Variants in GPR89B observed in about 807,000 individuals in gnomAD.
GPR89B encodes the protein G protein-coupled receptor 89B.
A neutral mutation model predicts 52.4 loss-of-function variants in GPR89B; 25 were observed. The observed-to-expected ratio is 0.48, with a 90% CI of 0.35 to 0.67. GPR89B has a LOEUF of 0.67. Among genes scored for constraint, GPR89B ranks in the 30% least tolerant of loss-of-function variants. The pLI is 0.01. For synonymous variants in GPR89B, 52 were observed against 151.2 expected (o/e 0.34, Z 4.81); for missense variants, 146 against 450.2 (o/e 0.32, Z 6.11).
the GPR89B span, among the ~76,000 whole-genome samples, chr1:148,015,119 A>G: frequency 6.6e-6 from 1 of 151,260 alleles, no homozygotes; most frequent in African/African-American, 2.4e-5. Context: ...GGCTGGTTCA[A>G]GCTCGTTCTA....
intron 2 of GPR89B, among the ~76,000 whole-genome samples, chr1:147,937,689 T>C (rs6683939): frequency 0.045 from 6,786 of 152,190 alleles, 216 homozygotes; most frequent in African/African-American, 0.075. Flanking sequence ...TGCCCAACCC[T>C]GCAAGCAGTC....
chr1:147,987,456 G>GT (rs1352936533), intron 11 of GPR89B, among the ~76,000 whole-genome samples: 1 of 148,794 alleles, frequency 6.7e-6, no homozygotes, highest in Non-Finnish European at 1.5e-5. Flanking sequence ...GGAGAAAGAA[G>GT]TTGCAGTGAG....
At chr1:147,952,723 ACTG>A (rs1553251259) in intron 5 of GPR89B, among the ~76,000 whole-genome samples, 1 of 151,886 alleles carries the variant, frequency 6.6e-6, no homozygotes, top group African/African-American at 2.4e-5. Context: ...ATTTATTTTA[ACTG>A]CTAAGTTGAT....
At position 147,986,033 on chromosome 1, in the gene GPR89B, C is replaced by T. The variant is rs1446343495; in HGVS notation, c.910-166C>T. Among the ~76,000 whole-genome samples the T allele has an allele frequency of 3.8e-3, 585 of 152,296 alleles. 6 individuals are homozygous for T. Among genetic ancestry groups the T allele is most frequent in the African/African-American group, 0.013 (549 of 41,562 alleles). On this transcript the variant is annotated intron_variant, in intron 10 of 13. Coordinates refer to ENST00000314163, the MANE Select transcript of GPR89B (RefSeq NM_016334.5). ...CTTTTGTTTGCCTATATATGAGTAT[C>T]CGAAATAGATTTCCTATATATGATT...
Position 147,986,212 on chromosome 1 carries a change from T to C in GPR89B, c.923T>C (p.Ile308Thr), listed in dbSNP as rs1658655862. 5 of 1,611,376 alleles carry C rather than the reference T, an allele frequency of 3.1e-6. No homozygotes were observed. In the Admixed American group the frequency reaches 6.7e-5, roughly 22 times the overall value. Residue 308 changes from isoleucine (I) to threonine (T), a missense_variant, in exon 11 of 14, where the codon ATT (isoleucine) becomes ACT (threonine). Coordinates refer to ENST00000314163, the MANE Select transcript of GPR89B (RefSeq NM_016334.5). Reference sequence around the variant, plus strand: ...GCATCTTTGCAGGCTACCATCAATATTGTTTTTGATCGAGTTGGGAAAACG... The same window carrying C: ...GCATCTTTGCAGGCTACCATCAATACTGTTTTTGATCGAGTTGGGAAAACG... ...VWKIFMATIN[I>T]VFDRVGKTDP...
rs587616529 is a variant in GPR89B, at chr1:147,932,611, C to G, written c.43-4016C>G. 3.9e-5 allele frequency among the ~76,000 whole-genome samples: 6 copies of G among 152,284 alleles called. 1 individual carries two copies. The South Asian group carries it at 8.3e-4, about 21-fold the overall frequency. On this transcript the variant is annotated intron_variant, in intron 1 of 13. Transcript: ENST00000314163. ...TTACTCTTAGCAGATAACCATGCCT[C>G]GTACTTACTCAACAAAAGTGAAGCC...
rs1168562153 is a variant in GPR89B at position 147,955,497 on chromosome 1, G to A, written c.617+1095G>A. The stretch of plus-strand genomic sequence containing the variant: ...GGAACCTCCACACTATTTTCCATAG[G>A]GTTGTGCTAATTTATATTTCCACAA... On this transcript the variant is annotated intron_variant, in intron 7 of 13. Transcript: ENST00000314163. Among the ~76,000 whole-genome samples the A allele has an allele frequency of 2.0e-3, 298 of 151,902 alleles. 5 individuals carry two copies. The highest frequency in any genetic ancestry group is 6.9e-3 in the African/African-American group (285 of 41,398).
In GPR89B at chr1:147,990,395, G is replaced by C. The variant is rs1329021045; in HGVS notation, c.1095+1874G>C. On this transcript the variant is annotated intron_variant, in intron 12 of 13. Coordinates refer to ENST00000314163, the MANE Select transcript of GPR89B (RefSeq NM_016334.5). ...TGCAAAAATTTTCTCCCATTCTGTA[G>C]GTTGCCTGTTCACTCTGATGGTAGT... Among the ~76,000 whole-genome samples, 890 of 152,204 alleles carry C rather than the reference G, an allele frequency of 5.8e-3. 9 individuals carry two copies. The highest frequency in any genetic ancestry group is 6.8e-3 in the Middle Eastern group (2 of 294).
intron 11 of GPR89B, among the ~76,000 whole-genome samples, chr1:147,987,706 A>G (rs1476699544): frequency 6.6e-6 from 1 of 152,250 alleles, no homozygotes; most frequent in Non-Finnish European, 1.5e-5. Flanking sequence ...ATAACAAATC[A>G]TTTAGATGTT....
intron 8 of GPR89B, 58 bp from the exon 9 acceptor site, chr1:147,968,817 C>T (rs1333404632): frequency 3.7e-6 from 6 of 1,612,886 alleles, no homozygotes; most frequent in Admixed American, 1.7e-5. Context: ...TATGCTTTCT[C>T]ATTGCCATTT....
chr1:147,969,387 T>C (rs1275847607), intron 9 of GPR89B: 10 of 214,238 alleles, frequency 4.7e-5, no homozygotes, highest in East Asian at 1.3e-4. Flanking sequence ...GAAGTAACTT[T>C]CCTATGTACA....
chr1:148,022,992 G>A, the GPR89B span, among the ~76,000 whole-genome samples: 1 of 151,824 alleles, frequency 6.6e-6, no homozygotes, highest in Non-Finnish European at 1.5e-5. Context: ...TTTTTGTTGT[G>A]TACCAAGGGT....
At chr1:148,025,829 C>T in the GPR89B span, 3 of 146,424 alleles carry the variant, frequency 2.0e-5, no homozygotes, top group Admixed American at 2.0e-4. Flanking sequence ...CTTCTGCAAG[C>T]CAGGAAGAGA....
chr1:147,996,109 C>T (rs1405394456), downstream of GPR89B, among the ~76,000 whole-genome samples: 358 of 152,228 alleles, frequency 2.4e-3, 3 homozygotes, highest in East Asian at 0.032. Flanking sequence ...AGTGGTTCAG[C>T]GTCATATGTC....
the GPR89B span, among the ~76,000 whole-genome samples, chr1:148,017,457 A>G: frequency 1.3e-5 from 2 of 149,980 alleles, no homozygotes; most frequent in African/African-American, 4.9e-5. Flanking sequence ...GTTTTAGGCC[A>G]GGCGCGGTGG....
intron 10 of GPR89B, among the ~76,000 whole-genome samples, chr1:147,975,535 T>A (rs1269190395): frequency 6.6e-6 from 1 of 152,100 alleles, no homozygotes; most frequent in Non-Finnish European, 1.5e-5. Context: ...TTTTTTTGTG[T>A]CTGTTTGATT....
At chr1:148,017,460 C>T in the GPR89B span, among the ~76,000 whole-genome samples, 19 of 150,324 alleles carry the variant, frequency 1.3e-4, no homozygotes, top group East Asian at 1.8e-3. Flanking sequence ...TTAGGCCAGG[C>T]GCGGTGGTTC....
the GPR89B span, chr1:148,014,873 G>A: frequency 4.0e-5 from 6 of 151,786 alleles, no homozygotes; most frequent in African/African-American, 9.8e-5. Context: ...ACGGGGGGAA[G>A]GCCATTCGGC....
chr1:148,025,853 A>G, the GPR89B span: 1 of 146,982 alleles, frequency 6.8e-6, no homozygotes, highest in East Asian at 2.0e-4. Context: ...CTCCCCAGAA[A>G]CCAACTCTAC....
Sources: gnomAD v4.1 joint callset for allele counts (sites outside exome capture counted in the v4.1 genomes callset) on GRCh38, gnomAD v4.1.1 for gene constraint, MANE v1.5 for transcripts, NCBI Gene and HGNC (gene_info 2026-07-23, HGNC 2026-07-21) for gene names.